CDH4: variants seen among roughly 807,000 people sequenced by gnomAD.
The protein encoded by CDH4 is cadherin 4.
Under a neutral mutation model 86.0 loss-of-function variants are expected in CDH4, and 33 were observed. The observed-to-expected ratio is 0.38, with a 90% CI of 0.29 to 0.51. CDH4 has a LOEUF of 0.51. Among genes scored for constraint, CDH4 ranks in the 20% least tolerant of loss-of-function variants. CDH4 has a pLI of 0.86. For synonymous variants in CDH4, 555 were observed against 549.4 expected (o/e 1.01, Z -0.14); for missense variants, 1,114 against 1,307.4 (o/e 0.85, Z 2.28).
chr20:61,663,824 C>T lies in CDH4; in HGVS notation c.170-79739C>T, dbSNP rs1465080312. ...CACTGAACACGGGGTAAACCAATCACCAGTCACTCCCACGCTGGGTCTTCC... is the reference window on the plus strand; with the variant it reads ...CACTGAACACGGGGTAAACCAATCATCAGTCACTCCCACGCTGGGTCTTCC... On this transcript the variant is annotated intron_variant, in intron 2 of 15. Transcript: ENST00000614565. This position sits in a 1 kb window ranked among gnomAD's most constrained non-coding sequence, Gnocchi z 5.0. Among the ~76,000 whole-genome samples the T allele has an allele frequency of 2.6e-5, 4 of 152,192 alleles. No individual in the cohort carries two copies. The highest frequency in any genetic ancestry group is 4.4e-5 in the Non-Finnish European group (3 of 68,024).
intron 4 of CDH4, among the ~76,000 whole-genome samples, chr20:61,792,423 C>A (rs1232599497): frequency 6.6e-6 from 1 of 152,184 alleles, no homozygotes; most frequent in Non-Finnish European, 1.5e-5. Flanking sequence ...CCTGCCCCAG[C>A]CCAAGGGCCT....
At chr20:61,688,373 T>G (rs1421289992) in intron 2 of CDH4, among the ~76,000 whole-genome samples, 1 of 151,792 alleles carries the variant, frequency 6.6e-6, no homozygotes, top group Non-Finnish European at 1.5e-5. Context: ...CACCACCCAG[T>G]GCCTCAAGGA....
intron 4 of CDH4, among the ~76,000 whole-genome samples, chr20:61,780,487 G>A (rs994488197): frequency 6.6e-6 from 1 of 152,294 alleles, no homozygotes; most frequent in Non-Finnish European, 1.5e-5. Flanking sequence ...CACACATGTC[G>A]TTAAACACTC....
intron 2 of CDH4, among the ~76,000 whole-genome samples, chr20:61,721,381 G>A (rs909559924): frequency 7.2e-5 from 11 of 152,134 alleles, no homozygotes; most frequent in Non-Finnish European, 1.5e-4. Flanking sequence ...AGCCCACCCC[G>A]GCCTGGAGGA....
intron 2 of CDH4, among the ~76,000 whole-genome samples, chr20:61,477,078 G>A (rs1489952456): frequency 6.6e-6 from 1 of 152,212 alleles, no homozygotes; most frequent in African/African-American, 2.4e-5. Flanking sequence ...GGGAGGACGT[G>A]TGGACACTGC....
chr20:61,701,971 T>C (rs1159085376), intron 2 of CDH4, among the ~76,000 whole-genome samples: 2 of 152,166 alleles, frequency 1.3e-5, no homozygotes, highest in Non-Finnish European at 2.9e-5. Flanking sequence ...TCCTCCTCCT[T>C]CGTCAGCTGA....
rs1476443501 is a variant in CDH4, at chr20:61,754,795, C to T, written c.396+11006C>T. Among the ~76,000 whole-genome samples, 11 of 149,234 alleles carry T rather than the reference C, an allele frequency of 7.4e-5. No homozygotes were observed. Among genetic ancestry groups the T allele is most frequent in the Admixed American group, 7.3e-4 (11 of 15,032 alleles). ...ACACACACCACACACACACTGCACGCCACACACACCACACACACGATGCAT... is the reference window on the plus strand; with the variant it reads ...ACACACACCACACACACACTGCACGTCACACACACCACACACACGATGCAT... On this transcript the variant is annotated intron_variant, in intron 3 of 15. Transcript: ENST00000614565. The surrounding 1 kb of genome is among the most constrained non-coding windows in gnomAD (Gnocchi z 4.7).
At chr20:61,422,459 AAAAAAAAACC>A (rs2085185046) in intron 2 of CDH4, among the ~76,000 whole-genome samples, 9 of 54,848 alleles carry the variant, frequency 1.6e-4, no homozygotes, top group African/African-American at 7.8e-4. Flanking sequence ...AAAAAAAAAA[AAAAAAAAACC>A]AAATCTCCCC....
chr20:61,296,212 C>T (rs1459701759), intron 2 of CDH4, among the ~76,000 whole-genome samples: 1 of 148,130 alleles, frequency 6.8e-6, no homozygotes, highest in African/African-American at 2.5e-5. Flanking sequence ...GAGAGAGAGA[C>T]CTTAGAGTTG....
At chr20:61,431,482 C>T (rs978148774) in intron 2 of CDH4, among the ~76,000 whole-genome samples, 1 of 151,644 alleles carries the variant, frequency 6.6e-6, no homozygotes, top group African/African-American at 2.4e-5. Context: ...ACCTCAGCCT[C>T]CTGAGTAGCT....
intron 2 of CDH4, among the ~76,000 whole-genome samples, chr20:61,674,506 C>A (rs1477639392): frequency 2.0e-5 from 3 of 152,164 alleles, no homozygotes; most frequent in Non-Finnish European, 4.4e-5. Flanking sequence ...AGACCCTGGG[C>A]CCAGTGCTCA....
intron 2 of CDH4, among the ~76,000 whole-genome samples, chr20:61,654,267 A>C (rs933101597): frequency 6.6e-6 from 1 of 152,228 alleles, no homozygotes; most frequent in African/African-American, 2.4e-5. Context: ...CACCAAAAAA[A>C]CATGAAAACC....
intron 2 of CDH4, among the ~76,000 whole-genome samples, chr20:61,522,842 C>T (rs1316696693): frequency 6.6e-6 from 1 of 152,360 alleles, no homozygotes; most frequent in South Asian, 2.1e-4. Context: ...TTATCCTGGC[C>T]AGTTGATTAG....
chr20:61,818,106 T>C (rs1980823678), intron 4 of CDH4, among the ~76,000 whole-genome samples: 1 of 152,202 alleles, frequency 6.6e-6, no homozygotes, highest in Non-Finnish European at 1.5e-5. Flanking sequence ...CTTGGCTCAC[T>C]GCAACCTCTG....
rs1984206517 is a variant in CDH4 at position 61,879,895 on chromosome 20, A to C, written c.1050+5995A>C. ...GGCCTTCCGGTCCTATCACAAGAGG[A>C]CTATCACCTGGTCACCTCCATCAGC... On this transcript the variant is annotated intron_variant, in intron 7 of 15. Coordinates refer to ENST00000614565, the MANE Select transcript of CDH4 (RefSeq NM_001794.5). The surrounding 1 kb of genome is among the most constrained non-coding windows in gnomAD (Gnocchi z 4.1). Among the ~76,000 whole-genome samples, 1 of 152,116 alleles carries C rather than the reference A, an allele frequency of 6.6e-6. No individual in the cohort carries two copies. The highest frequency in any genetic ancestry group is 2.4e-5 in the African/African-American group (1 of 41,414).
rs139936391 is a variant in CDH4 at position 61,936,765 on chromosome 20, C to T, written c.2573C>T (p.Thr858Met). ...CTCCGCGCTGCTGACAACGACCCCA[C>T]GGCACCCCCCTATGACTCCCTGCTG... ...EGLRAADNDP[T>M]APPYDSLLVF... The change falls in exon 16 of 16, where the codon ACG (threonine) becomes ATG (methionine). Residue 858 changes from threonine to methionine, a missense_variant. Physicochemically the swap from Thr to Met is moderately conservative, Grantham distance 81 (BLOSUM62 -1). This residue lies in a region of CDH4 where 188 missense variants were observed against 183.8 expected (regional missense o/e 1.02). Transcript: ENST00000614565. The T allele has an allele frequency of 1.2e-4, 200 of 1,606,744 alleles. No individual in the cohort carries two copies. The highest frequency in any genetic ancestry group is 5.1e-5 in the Admixed American group (3 of 59,298).
At chr20:61,588,329 C>G (rs1454631698) in intron 2 of CDH4, among the ~76,000 whole-genome samples, 1 of 151,998 alleles carries the variant, frequency 6.6e-6, no homozygotes, top group Non-Finnish European at 1.5e-5. Flanking sequence ...CTCCATCAGT[C>G]AAGTGATTTG....
At chr20:61,285,833 G>T (rs184653216) in intron 2 of CDH4, among the ~76,000 whole-genome samples, 1 of 152,226 alleles carries the variant, frequency 6.6e-6, no homozygotes, top group Non-Finnish European at 1.5e-5. Flanking sequence ...GAAAGCCCAC[G>T]TGGTTCTGGT....
At chr20:61,528,467 G>GGAGA (rs2085928795) in intron 2 of CDH4, among the ~76,000 whole-genome samples, 1 of 100,132 alleles carries the variant, frequency 1.0e-5, no homozygotes, top group Non-Finnish European at 2.1e-5. Flanking sequence ...GGGAGAGGGA[G>GGAGA]GGGGAGGGGG....
Sources: gnomAD v4.1 joint callset for allele counts (sites outside exome capture counted in the v4.1 genomes callset) on GRCh38, gnomAD v4.1.1 for gene constraint, gnomAD v4.1.1 regional missense constraint, Gnocchi (gnomAD v3.1) non-coding constraint, MANE v1.5 for transcripts, NCBI Gene and HGNC (gene_info 2026-07-23, HGNC 2026-07-21) for gene names.